The following ADGRG5 variants were observed in gnomAD, a reference collection of about 807,000 sequenced individuals.
ADGRG5 encodes adhesion G protein-coupled receptor G5.
Under a neutral mutation model 53.2 loss-of-function variants are expected in ADGRG5, and 37 were observed. That is an observed-to-expected ratio of 0.70 (90% CI 0.53 to 0.91). The LOEUF is 0.91. ADGRG5 is among the 40% of genes least tolerant of loss of function. The pLI, the probability that ADGRG5 is intolerant of heterozygous loss-of-function variation, is 0.00. For synonymous variants in ADGRG5, 277 were observed against 290.4 expected, an observed-to-expected ratio of 0.95 and a Z score of 0.47; for missense variants, 614 against 675.8, an observed-to-expected ratio of 0.91 and a Z score of 1.01.
At chr16:57,550,492 A>G (rs1244941711) in intron 1 of ADGRG5, among the ~76,000 whole-genome samples, 1 of 152,150 alleles carries the variant, frequency 6.6e-6, no homozygotes, top group Non-Finnish European at 1.5e-5. Flanking sequence ...AGAAGTTTTA[A>G]TTTTGATGAA....
chr16:57,530,194 G>A, the ADGRG5 span, among the ~76,000 whole-genome samples: 5 of 152,004 alleles, frequency 3.3e-5, no homozygotes, highest in Non-Finnish European at 7.4e-5. Flanking sequence ...CCCTGACACC[G>A]TGACTCACCG....
At chr16:57,572,325 A>C (rs1360989764) in intron 10 of ADGRG5, among the ~76,000 whole-genome samples, 1 of 152,018 alleles carries the variant, frequency 6.6e-6, no homozygotes, top group Non-Finnish European at 1.5e-5. Flanking sequence ...AATACAAAAA[A>C]TTAGCTGGGC....
intron 1 of ADGRG5, among the ~76,000 whole-genome samples, chr16:57,545,047 G>A (rs2146749355): frequency 6.6e-6 from 1 of 152,108 alleles, no homozygotes; most frequent in Non-Finnish European, 1.5e-5. Context: ...CAAAGTGCTG[G>A]GATTAAGGCA....
chr16:57,556,366 C>T (rs1432714470), intron 1 of ADGRG5, among the ~76,000 whole-genome samples: 2 of 151,870 alleles, frequency 1.3e-5, no homozygotes, highest in Non-Finnish European at 2.9e-5. Context: ...CTCTGTATTC[C>T]ATCTGTTCTT....
chr16:57,555,517 T>C (rs576234573), intron 1 of ADGRG5, among the ~76,000 whole-genome samples: 28 of 152,354 alleles, frequency 1.8e-4, no homozygotes, highest in African/African-American at 6.7e-4. Flanking sequence ...ATATCAATTT[T>C]TGTCTACTTC....
Position 57,566,676 on chromosome 16 carries a change from C to G in ADGRG5, c.624C>G (p.Gly208=). Residue 208 remains glycine (G), a synonymous_variant, in exon 7 of 12, where the codon GGC becomes GGG. Transcript: ENST00000349457. ...KQPWGGWSPE[G]CRTEQPSHSQ... The stretch of plus-strand genomic sequence containing the variant: ...CCTGGGGGGGCTGGAGCCCTGAGGG[C>G]TGTCGTACAGAGCAGCCCTCCCACT... 6.3e-7 allele frequency: 1 copy of G among 1,593,934 alleles called. No homozygotes were observed. The highest frequency in any genetic ancestry group is 8.5e-7 in the Non-Finnish European group (1 of 1,171,030).
chr16:57,547,892 C>T (rs77509705), intron 1 of ADGRG5, among the ~76,000 whole-genome samples: 5 of 152,242 alleles, frequency 3.3e-5, no homozygotes, highest in East Asian at 1.9e-4. Context: ...TAGGATTACA[C>T]GTGTGCCAAC....
the ADGRG5 span, among the ~76,000 whole-genome samples, chr16:57,535,385 C>T: frequency 2.6e-5 from 4 of 152,138 alleles, no homozygotes; most frequent in South Asian, 8.3e-4. Flanking sequence ...ATTTGAACTC[C>T]TTTCTTTACA....
the ADGRG5 span, among the ~76,000 whole-genome samples, chr16:57,536,247 G>T: frequency 6.6e-6 from 1 of 151,862 alleles, no homozygotes; most frequent in African/African-American, 2.4e-5. Context: ...CATTCCGGAG[G>T]CGCCTCCCCT....
intron 7 of ADGRG5, 62 bp from the exon 8 acceptor site, chr16:57,567,408 C>G (rs2033162870): frequency 1.3e-6 from 2 of 1,579,522 alleles, no homozygotes; most frequent in Non-Finnish European, 8.6e-7. Context: ...GTCCCTCTGA[C>G]TGAGGCTGGG....
upstream of ADGRG5, among the ~76,000 whole-genome samples, chr16:57,539,195 C>T (rs1389379783): frequency 2.0e-5 from 3 of 152,134 alleles, no homozygotes; most frequent in Non-Finnish European, 4.4e-5. Context: ...ACCTTGAAGA[C>T]GTCATGCTAA....
intron 11 of ADGRG5, 51 bp from the exon 12 acceptor site, chr16:57,575,387 C>A: frequency 6.5e-7 from 1 of 1,543,294 alleles, no homozygotes. Flanking sequence ...GAGACCCTGG[C>A]CTTTGGGGAA....
At chr16:57,560,415 C>T (rs964777681) in intron 1 of ADGRG5, among the ~76,000 whole-genome samples, 1 of 152,234 alleles carries the variant, frequency 6.6e-6, no homozygotes, top group African/African-American at 2.4e-5. Context: ...AGCTTGGTGA[C>T]TGGTGAAATT....
intron 3 of ADGRG5, among the ~76,000 whole-genome samples, chr16:57,562,855 G>A (rs1043553552): frequency 2.0e-5 from 3 of 152,176 alleles, no homozygotes; most frequent in South Asian, 4.1e-4. Context: ...GTCAGGGAAG[G>A]CTTCCTGGAG....
chr16:57,533,532 ACACT>A, the ADGRG5 span, among the ~76,000 whole-genome samples: 1 of 150,934 alleles, frequency 6.6e-6, no homozygotes, highest in South Asian at 2.1e-4. Flanking sequence ...AGTAATGCAC[ACACT>A]CACACACACA....
At chr16:57,532,819 G>A in the ADGRG5 span, among the ~76,000 whole-genome samples, 6 of 152,236 alleles carry the variant, frequency 3.9e-5, no homozygotes, top group Non-Finnish European at 7.3e-5. Context: ...GTGAGAGCCT[G>A]TGGGGGGAGG....
chr16:57,567,390 C>G, intron 7 of ADGRG5, 80 bp from the exon 8 acceptor site: 1 of 1,528,174 alleles, frequency 6.5e-7, no homozygotes, highest in Non-Finnish European at 8.8e-7. Flanking sequence ...GAGAGGAGGC[C>G]TCAGGAGGTC....
At chr16:57,552,391 G>A (rs1443877087) in intron 1 of ADGRG5, among the ~76,000 whole-genome samples, 1 of 152,216 alleles carries the variant, frequency 6.6e-6, no homozygotes, top group Non-Finnish European at 1.5e-5. Context: ...CCTCATGCAT[G>A]ATGTTAGCTA....
intron 11 of ADGRG5, 54 bp downstream of exon 11, chr16:57,575,146 G>A: frequency 1.3e-6 from 2 of 1,564,878 alleles, no homozygotes; most frequent in African/African-American, 1.4e-5. Flanking sequence ...TGTATGGCTG[G>A]TGGGATGTTC....
Sources: allele counts gnomAD v4.1 joint callset (sites outside exome capture counted in the v4.1 genomes callset), GRCh38; gene constraint gnomAD v4.1.1; transcripts MANE v1.5; gene names NCBI Gene and HGNC (gene_info 2026-07-23, HGNC 2026-07-21).